CALD1: variants seen among roughly 807,000 people sequenced by gnomAD.
CALD1 encodes the protein caldesmon.
In CALD1, 33 loss-of-function variants were observed where a neutral mutation model predicts 99.9. The observed-to-expected ratio is 0.33, with a 90% CI of 0.25 to 0.44. The LOEUF (loss-of-function observed/expected upper bound fraction) is 0.44. Ranked by LOEUF, CALD1 falls within the 20% of genes least tolerant of loss-of-function variation. CALD1 has a pLI of 1.00. For synonymous variants in CALD1, 310 were observed against 325.0 expected (o/e 0.95, Z 0.50); for missense variants, 861 against 962.1 (o/e 0.89, Z 1.39).
rs753909731 is a variant in CALD1 at position 134,947,603 on chromosome 7, G to A, written c.1628G>A (p.Arg543His). The change falls in exon 8 of 15, where the codon CGC (arginine) becomes CAC (histidine). Residue 543 changes from arginine to histidine, a missense_variant. Physicochemically the swap from Arg to His is conservative, Grantham distance 29 (BLOSUM62 0). This residue lies in a region of CALD1 where 293 missense variants were observed against 262.7 expected (regional missense o/e 1.12). Coordinates refer to ENST00000361675, the MANE Select transcript of CALD1 (RefSeq NM_033138.4). Reference protein sequence around the residue: ...GKRLEELRRRRGETESEEFEK... With the variant: ...GKRLEELRRRHGETESEEFEK... ...AGGCTGGAGGAGCTTCGTCGTCGTC[G>A]CGGGGAGACCGAGAGCGAAGAGTTC... The A allele has an allele frequency of 1.3e-6, 2 of 1,562,308 alleles. No individual in the cohort carries two copies.
intron 2 of CALD1, among the ~76,000 whole-genome samples, chr7:134,859,185 C>A (rs1274388116): frequency 2.0e-5 from 3 of 152,196 alleles, no homozygotes; most frequent in African/African-American, 7.2e-5. Flanking sequence ...TCCATGCACC[C>A]CCATTTTTGG....
chr7:134,861,645 C>A (rs1044638638), intron 2 of CALD1, among the ~76,000 whole-genome samples: 3 of 152,094 alleles, frequency 2.0e-5, no homozygotes, highest in Non-Finnish European at 4.4e-5. Flanking sequence ...ACTGTTATAC[C>A]CCAGTGTCGA....
chr7:134,813,895 G>T (rs1390055606), intron 1 of CALD1, among the ~76,000 whole-genome samples: 1 of 152,184 alleles, frequency 6.6e-6, no homozygotes, highest in Non-Finnish European at 1.5e-5. Flanking sequence ...GCTGGTAAAG[G>T]ACGGTGGGTG....
chr7:134,723,824 G>A, the CALD1 span, among the ~76,000 whole-genome samples: 5 of 152,258 alleles, frequency 3.3e-5, no homozygotes, highest in African/African-American at 1.2e-4. Flanking sequence ...AGAAAGCCTA[G>A]TTTAGAGGTA....
intron 1 of CALD1, among the ~76,000 whole-genome samples, chr7:134,748,708 T>TCCCCCCCCCCCC (rs35401566): frequency 7.6e-6 from 1 of 132,274 alleles, no homozygotes; most frequent in African/African-American, 3.0e-5. Flanking sequence ...TGAAACTCCA[T>TCCCCCCCCCCCC]CCCCCCGCCC....
intron 6 of CALD1, among the ~76,000 whole-genome samples, chr7:134,937,949 T>C (rs1235625178): frequency 2.6e-5 from 4 of 152,210 alleles, no homozygotes; most frequent in African/African-American, 9.7e-5. Flanking sequence ...TTCTTTCTTT[T>C]CTGGCCTCTA....
chr7:134,891,122 G>A (rs189775646), intron 3 of CALD1, among the ~76,000 whole-genome samples: 1 of 152,194 alleles, frequency 6.6e-6, no homozygotes, highest in African/African-American at 2.4e-5. Flanking sequence ...GTATATGCAT[G>A]TAATACCATG....
intron 1 of CALD1, among the ~76,000 whole-genome samples, chr7:134,786,178 T>G (rs530747646): frequency 6.6e-6 from 1 of 152,322 alleles, no homozygotes; most frequent in South Asian, 2.1e-4. Flanking sequence ...ACAAAGTCAT[T>G]GCAAGAGGTA....
chr7:134,865,539 A>T (rs949371969), intron 2 of CALD1, among the ~76,000 whole-genome samples: 1 of 152,232 alleles, frequency 6.6e-6, no homozygotes, highest in African/African-American at 2.4e-5. Context: ...TTCAAATGGC[A>T]GGTAGTTTTT....
chr7:134,808,238 C>A (rs1585993261), intron 1 of CALD1, among the ~76,000 whole-genome samples: 1 of 150,598 alleles, frequency 6.6e-6, no homozygotes, highest in Non-Finnish European at 1.5e-5. Context: ...GTAGCTGGGG[C>A]CTTGGGCATG....
rs530449763 is a variant in CALD1 at position 134,900,864 on chromosome 7, T to C, written c.72-27890T>C. On this transcript the variant is annotated intron_variant, in intron 3 of 14. Transcript: ENST00000361675. ...AGACCCCCGAAGAGAAATGGCATGA[T>C]ATCTTCTGCCAACAAACTGATAGAC... is the stretch of plus-strand genomic sequence containing the variant. Among the ~76,000 whole-genome samples, 4 of 152,230 alleles carry C rather than the reference T, an allele frequency of 2.6e-5. No individual in the cohort carries two copies. In the South Asian group the frequency reaches 6.2e-4, roughly 24 times the overall value.
intron 1 of CALD1, among the ~76,000 whole-genome samples, chr7:134,764,696 T>A (rs535848630): frequency 1.3e-5 from 2 of 152,256 alleles, no homozygotes; most frequent in East Asian, 3.9e-4. Context: ...CTTCTTGGAT[T>A]GTAAGTTGTC....
chr7:134,889,402 T>A (rs7776512), intron 3 of CALD1, among the ~76,000 whole-genome samples: 26,292 of 152,100 alleles, frequency 0.17, 3,473 homozygotes, highest in African/African-American at 0.38. Context: ...GTCTCTGATT[T>A]TAAAGAGCCA....
chr7:134,954,611 G>A (rs1289914093), intron 9 of CALD1, among the ~76,000 whole-genome samples: 1 of 152,154 alleles, frequency 6.6e-6, no homozygotes, highest in Non-Finnish European at 1.5e-5. Context: ...GGAGGAGTAG[G>A]AATCTGAGAA....
the CALD1 span, among the ~76,000 whole-genome samples, chr7:134,719,400 C>G: frequency 6.6e-6 from 1 of 152,174 alleles, no homozygotes; most frequent in Non-Finnish European, 1.5e-5. Flanking sequence ...GGTTATGAGG[C>G]TCGCCAGAGG....
At chr7:134,937,308 C>T (rs2133019645) in intron 6 of CALD1, among the ~76,000 whole-genome samples, 1 of 152,258 alleles carries the variant, frequency 6.6e-6, no homozygotes, top group East Asian at 1.9e-4. Context: ...TCAACAGCGT[C>T]CTCTGTGTCA....
At chr7:134,835,944 A>G (rs1251890400) in intron 1 of CALD1, among the ~76,000 whole-genome samples, 1 of 152,044 alleles carries the variant, frequency 6.6e-6, no homozygotes, top group Non-Finnish European at 1.5e-5. Flanking sequence ...TAGGAGTTCG[A>G]GACCAGCCTG....
chr7:134,722,232 T>C, the CALD1 span, among the ~76,000 whole-genome samples: 2 of 152,284 alleles, frequency 1.3e-5, no homozygotes, highest in East Asian at 1.9e-4. Flanking sequence ...CTCTCTTCTA[T>C]TGTTCCTTTC....
In CALD1 at chr7:134,934,079, T is replaced by C. The variant is rs1394179901; in HGVS notation, c.1308+2T>C. 1 of 1,599,818 alleles carries C rather than the reference T, an allele frequency of 6.3e-7. No homozygotes were observed. The highest frequency in any genetic ancestry group is 8.5e-7 in the Non-Finnish European group (1 of 1,175,076). ...CAGACAGCTGTCCTAAAGAAACAGG[T>C]ACAGTAAACATTTTGCACCAAATGT... On this transcript the variant is annotated splice_donor_variant, in intron 5 of 14. Transcript: ENST00000361675. LOFTEE classifies it high-confidence loss of function.
Sources: gnomAD v4.1 joint callset for allele counts (sites outside exome capture counted in the v4.1 genomes callset) on GRCh38, gnomAD v4.1.1 for gene constraint, gnomAD v4.1.1 regional missense constraint, MANE v1.5 for transcripts, NCBI Gene and HGNC (gene_info 2026-07-23, HGNC 2026-07-21) for gene names.